The following ADCY3 variants were observed in gnomAD, a reference collection of about 807,000 sequenced individuals.
The protein encoded by ADCY3 is adenylate cyclase 3, also known as adenylate cyclase type 3.
ADCY3 carries 70 observed loss-of-function variants against 119.4 expected under a neutral mutation model. The observed-to-expected ratio is 0.59, with a 90% CI of 0.48 to 0.72. The LOEUF (loss-of-function observed/expected upper bound fraction) is 0.72, where lower values mean the gene tolerates loss of function less well. Ranked by LOEUF, ADCY3 falls within the 30% of genes least tolerant of loss-of-function variation. The pLI, the probability that ADCY3 is intolerant of heterozygous loss-of-function variation, is 0.00. For missense variants in ADCY3, 1,238 were observed against 1,541.6 expected (o/e 0.80, Z 3.30); for synonymous variants, 672 against 621.4 (o/e 1.08, Z -1.21).
At chr2:24,897,257 C>T (rs1022327194) in intron 2 of ADCY3, among the ~76,000 whole-genome samples, 1 of 151,752 alleles carries the variant, frequency 6.6e-6, no homozygotes, top group African/African-American at 2.4e-5. Context: ...TCTCCTCCTC[C>T]CCCTTCTCCT....
rs1667718043 is a variant in ADCY3, at chr2:24,821,565, G to A, written c.3079C>T (p.Leu1027Phe). 1.2e-6 allele frequency: 2 copies of A among 1,614,170 alleles called. No homozygotes were observed. Among genetic ancestry groups the A allele is most frequent in the Admixed American group, 1.7e-5 (1 of 60,024 alleles). ...AAGGACTGGTTGTTGATGTTGGTGA[G>A]CGTATCCTTCATGGCCAGCGCGAAG... The part of the protein sequence containing the change: ...ADFALAMKDT[L>F]TNINNQSFNN... Residue 1027 changes from leucine to phenylalanine, a missense_variant, in exon 20 of 22, where the codon CTC becomes TTC. Around this residue, in one of 7 missense-constraint regions of ADCY3, gnomAD observed 63 missense variants for 62.8 expected, o/e 1.00. Transcript: ENST00000679454.
At position 24,872,477 on chromosome 2, in the gene ADCY3, G is replaced by A; in HGVS notation, c.825+93C>T. 1.4e-6 allele frequency: 2 copies of A among 1,479,242 alleles called. No homozygotes were observed. The highest frequency in any genetic ancestry group is 9.1e-7 in the Non-Finnish European group (1 of 1,094,074). 91.6% of individuals were successfully genotyped at this position (1,479,242 alleles called of 1,614,324 possible). A position where few individuals can be genotyped will look rare whatever the true frequency, so the allele number is the denominator to read the frequency against. ...GGGTGGATGAACGCCAAGCCCCACG[G>A]AGCCAGGGGCTGCCGCTCTGGTTCC... On this transcript the variant is annotated intron_variant, in intron 3 of 21. Transcript: ENST00000679454. The surrounding 1 kb of genome is among the most constrained non-coding windows in gnomAD (Gnocchi z 4.4).
At position 24,834,933 on chromosome 2, in the gene ADCY3, C is replaced by T. The variant is rs754065461; in HGVS notation, c.1666G>A (p.Asp556Asn). Residue 556 changes from aspartate to asparagine, a missense_variant, in exon 10 of 22, where the codon GAC becomes AAC. By Grantham distance (23) the Asp-to-Asn change is conservative (BLOSUM62 1). Around this residue, in one of 7 missense-constraint regions of ADCY3, gnomAD observed 499 missense variants for 571.0 expected, o/e 0.87. Transcript: ENST00000679454. The surrounding 1 kb of genome is among the most constrained non-coding windows in gnomAD (Gnocchi z 4.2). The stretch of plus-strand genomic sequence containing the variant: ...CGTGGGTTGGGGAATGAGGGGTTGT[C>T]GGCCTGTGAGCCAGGGAGGCAGCGT... ...EKPEEQDAQA[D>N]NPSFPNPRRR... 9.3e-6 allele frequency: 15 copies of T among 1,612,904 alleles called. No homozygotes were observed. Among genetic ancestry groups the T allele is most frequent in the African/African-American group, 8.0e-5 (6 of 74,886 alleles).
In ADCY3 at chr2:24,862,972, A is replaced by C. The variant is rs79238993; in HGVS notation, c.825+9598T>G. 2.8e-4 allele frequency among the ~76,000 whole-genome samples: 42 copies of C among 152,194 alleles called. No homozygotes were observed. The East Asian group carries it at 6.9e-3, about 25-fold the overall frequency. ...CTAAGGCCATAGGAGAGGGGCAGAG[A>C]CTCTGGTACTTGGCTCTCAGCTGCT... On this transcript the variant is annotated intron_variant, in intron 3 of 21. Coordinates refer to ENST00000679454, the MANE Select transcript of ADCY3 (RefSeq NM_004036.5).
chr2:24,908,554 A>T (rs897269063), intron 2 of ADCY3, among the ~76,000 whole-genome samples: 3 of 152,238 alleles, frequency 2.0e-5, no homozygotes, highest in Non-Finnish European at 1.5e-5. Flanking sequence ...TGCCAAGATT[A>T]AATGTAATAA....
rs1028070742 is a variant in ADCY3, at chr2:24,899,361, C to G, written c.675+18952G>C. Among the ~76,000 whole-genome samples the G allele has an allele frequency of 6.6e-6, 1 of 152,222 alleles. No individual in the cohort carries two copies. Among genetic ancestry groups the G allele is most frequent in the Non-Finnish European group, 1.5e-5 (1 of 68,034 alleles). On this transcript the variant is annotated intron_variant, in intron 2 of 21. Coordinates refer to ENST00000679454, the MANE Select transcript of ADCY3 (RefSeq NM_004036.5). The surrounding 1 kb of genome is among the most constrained non-coding windows in gnomAD (Gnocchi z 4.5). ...TCCCAATAAATAAACCATTCTCTTG[C>G]GACCAAAGCCCATGTCTGTCTAAGA...
chr2:24,887,419 C>T (rs751981379), intron 2 of ADCY3, among the ~76,000 whole-genome samples: 4 of 152,196 alleles, frequency 2.6e-5, no homozygotes, highest in Non-Finnish European at 4.4e-5. Context: ...TCCACGGCTC[C>T]TTTCCCTCGG....
intron 9 of ADCY3, among the ~76,000 whole-genome samples, chr2:24,836,264 T>A (rs896001092): frequency 6.6e-6 from 1 of 152,200 alleles, no homozygotes; most frequent in African/African-American, 2.4e-5. Flanking sequence ...AAGAAAAACC[T>A]AATTTACCCT....
chr2:24,860,025 G>A (rs1009649418), intron 3 of ADCY3, among the ~76,000 whole-genome samples: 1 of 152,210 alleles, frequency 6.6e-6, no homozygotes, highest in African/African-American at 2.4e-5. Flanking sequence ...CACAGGGCCA[G>A]TTAACCACAC....
intron 3 of ADCY3, among the ~76,000 whole-genome samples, chr2:24,867,363 G>A (rs1674427494): frequency 6.6e-6 from 1 of 152,214 alleles, no homozygotes; most frequent in African/African-American, 2.4e-5. Context: ...TGCTGCCAAT[G>A]TAATACTATT....
At chr2:24,821,884 C>T (rs1398071998) in intron 19 of ADCY3, 4 of 493,486 alleles carry the variant, frequency 8.1e-6, no homozygotes, top group Non-Finnish European at 1.1e-5. Context: ...TGAGTCTGAC[C>T]ACGAGGCGGA....
Position 24,833,264 on chromosome 2 carries a change from C to T in ADCY3, c.1967+1221G>A, listed in dbSNP as rs566131130. On this transcript the variant is annotated intron_variant, in intron 11 of 21. Coordinates refer to ENST00000679454, the MANE Select transcript of ADCY3 (RefSeq NM_004036.5). Reference sequence around the variant, plus strand: ...CTGCAGTGGCGTGTAGGAGGCCCCACGTCTGTGCTGGACTCCTGCTACTCT... The same window carrying T: ...CTGCAGTGGCGTGTAGGAGGCCCCATGTCTGTGCTGGACTCCTGCTACTCT... 1.3e-4 allele frequency among the ~76,000 whole-genome samples: 20 copies of T among 152,284 alleles called. No homozygotes were observed. The South Asian group carries it at 3.9e-3, about 30-fold the overall frequency.
At chr2:24,866,798 T>C (rs115782707) in intron 3 of ADCY3, among the ~76,000 whole-genome samples, 3,396 of 152,170 alleles carry the variant, frequency 0.022, 105 homozygotes, top group African/African-American at 0.075. Context: ...TTGAAATTGA[T>C]GACTCAATAA....
chr2:24,865,489 C>CTCTGTG (rs1300615146), intron 3 of ADCY3, among the ~76,000 whole-genome samples: 12 of 140,428 alleles, frequency 8.5e-5, no homozygotes, highest in African/African-American at 2.8e-4. Flanking sequence ...AGGCTATCAT[C>CTCTGTG]TGTGTGTGTG....
At chr2:24,879,398 A>G (rs1262731722) in intron 2 of ADCY3, among the ~76,000 whole-genome samples, 2 of 141,602 alleles carry the variant, frequency 1.4e-5, no homozygotes, top group South Asian at 2.3e-4. Flanking sequence ...GCTTGCAGTG[A>G]GCCGAGATTG....
At chr2:24,885,430 A>T (rs556243858) in intron 2 of ADCY3, among the ~76,000 whole-genome samples, 1 of 152,150 alleles carries the variant, frequency 6.6e-6, no homozygotes, top group Non-Finnish European at 1.5e-5. Context: ...TTCTGCCAAC[A>T]CTACGCCCCA....
chr2:24,905,869 TGGG>T (rs899171594), intron 2 of ADCY3, among the ~76,000 whole-genome samples: 4 of 152,156 alleles, frequency 2.6e-5, no homozygotes, highest in African/African-American at 9.7e-5. Flanking sequence ...AGTTGGTAAG[TGGG>T]GGAGCTCCTG....
Position 24,874,153 on chromosome 2 carries a change from G to A in ADCY3, c.676-1434C>T, listed in dbSNP as rs191133330. 1.8e-4 allele frequency among the ~76,000 whole-genome samples: 28 copies of A among 152,238 alleles called. 1 individual carries two copies. In the East Asian group the frequency reaches 2.9e-3, roughly 16 times the overall value. ...CTGAGGATCAACCACCACCACACCC[G>A]GCAGAATGTTCCTGCAGCCTCTGTG... On this transcript the variant is annotated intron_variant, in intron 2 of 21. Transcript: ENST00000679454.
intron 11 of ADCY3, 61 bp from the exon 12 acceptor site, chr2:24,831,810 C>G: frequency 1.4e-6 from 1 of 723,524 alleles, no homozygotes; most frequent in Non-Finnish European, 2.1e-6. Flanking sequence ...GGGTGAGGGG[C>G]TAGGAGAGGA....
Sources: gnomAD v4.1 joint callset for allele counts (sites outside exome capture counted in the v4.1 genomes callset) on GRCh38, gnomAD v4.1.1 for gene constraint, gnomAD v4.1.1 regional missense constraint, Gnocchi (gnomAD v3.1) non-coding constraint, MANE v1.5 for transcripts, NCBI Gene and HGNC (gene_info 2026-07-23, HGNC 2026-07-21) for gene names.